Variants in BLTP3A observed in about 807,000 individuals in gnomAD.
BLTP3A encodes the protein ICBP90 binding protein 1.
At chr6:34,857,629 A>G in the BLTP3A span, 7 of 1,453,400 alleles carry the variant, frequency 4.8e-6, no homozygotes, top group Non-Finnish European at 4.7e-6. Flanking sequence ...ATAAATGTGT[A>G]CCTTTGCTCT....
At chr6:34,846,465 T>C in the BLTP3A span, among the ~76,000 whole-genome samples, 1 of 152,030 alleles carries the variant, frequency 6.6e-6, no homozygotes, top group African/African-American at 2.4e-5. Flanking sequence ...CAGTGTTTTA[T>C]AGTTTTTGTT....
chr6:34,846,375 C>T, the BLTP3A span, among the ~76,000 whole-genome samples: 2 of 151,720 alleles, frequency 1.3e-5, no homozygotes, highest in South Asian at 4.2e-4. Flanking sequence ...GAATTCTTGA[C>T]CTCAAGTGAT....
At chr6:34,836,550 G>A in the BLTP3A span, among the ~76,000 whole-genome samples, 4 of 152,208 alleles carry the variant, frequency 2.6e-5, no homozygotes, top group East Asian at 7.7e-4. Flanking sequence ...TTAGGGTACA[G>A]TAGAACCACA....
chr6:34,868,175 G>C, the BLTP3A span, among the ~76,000 whole-genome samples: 2 of 151,718 alleles, frequency 1.3e-5, no homozygotes, highest in African/African-American at 2.4e-5. Flanking sequence ...GCGTGGTGGC[G>C]GGTGCCTGTA....
the BLTP3A span, among the ~76,000 whole-genome samples, chr6:34,846,301 C>G: frequency 1.3e-5 from 2 of 151,702 alleles, no homozygotes; most frequent in Non-Finnish European, 2.9e-5. Flanking sequence ...CCCACCACCA[C>G]GCCTAGCTAA....
At chr6:34,821,911 T>G in the BLTP3A span, 15 of 1,614,250 alleles carry the variant, frequency 9.3e-6, no homozygotes, top group Non-Finnish European at 1.1e-5. Flanking sequence ...TGCTTTCCTC[T>G]TTCAGATCCA....
At chr6:34,822,325 C>G in the BLTP3A span, among the ~76,000 whole-genome samples, 2 of 151,738 alleles carry the variant, frequency 1.3e-5, no homozygotes, top group South Asian at 4.2e-4. Flanking sequence ...TCACTGCAAC[C>G]TCTGCCTCCT....
chr6:34,828,098 G>A, the BLTP3A span, among the ~76,000 whole-genome samples: 5 of 152,046 alleles, frequency 3.3e-5, no homozygotes, highest in Non-Finnish European at 5.9e-5. Context: ...CCTTTTTTCT[G>A]TACAACATGT....
the BLTP3A span, among the ~76,000 whole-genome samples, chr6:34,803,252 G>C: frequency 6.6e-6 from 1 of 151,710 alleles, no homozygotes. Context: ...AAAAGGAATT[G>C]AGTTGAGTCT....
chr6:34,818,479 A>G, the BLTP3A span, among the ~76,000 whole-genome samples: 1 of 145,398 alleles, frequency 6.9e-6, no homozygotes, highest in Non-Finnish European at 1.5e-5. Context: ...AGAAAAAAAA[A>G]AGAAAAAAAC....
chr6:34,852,111 T>C, the BLTP3A span, among the ~76,000 whole-genome samples: 2 of 152,188 alleles, frequency 1.3e-5, no homozygotes. Context: ...CTTTGTACCC[T>C]ACCCCACTAT....
At chr6:34,847,980 C>G in the BLTP3A span, among the ~76,000 whole-genome samples, 1 of 128,468 alleles carries the variant, frequency 7.8e-6, no homozygotes, top group African/African-American at 3.1e-5. Context: ...GATGCAGTGG[C>G]GTAATCTCAG....
the BLTP3A span, among the ~76,000 whole-genome samples, chr6:34,868,872 T>C: frequency 1.3e-5 from 2 of 151,716 alleles, no homozygotes; most frequent in Non-Finnish European, 2.9e-5. Context: ...GCCTGGGCAA[T>C]AGAGCAAGAC....
the BLTP3A span, chr6:34,834,072 A>G: frequency 2.3e-6 from 2 of 860,906 alleles, no homozygotes; most frequent in East Asian, 2.7e-5. Flanking sequence ...GCTGTACTCC[A>G]GCTTGGGTAA....
chr6:34,871,235 T>A, the BLTP3A span: 1 of 1,244,562 alleles, frequency 8.0e-7, no homozygotes, highest in Non-Finnish European at 1.1e-6. Context: ...TAAAATATGG[T>A]GAGGATCAAG....
At chr6:34,821,438 TTGTTC>T in the BLTP3A span, 2 of 508,948 alleles carry the variant, frequency 3.9e-6, no homozygotes, top group Non-Finnish European at 7.0e-6. Context: ...CTGAGTGCAT[TTGTTC>T]TGGCTGGTCT....
At chr6:34,818,294 C>A in the BLTP3A span, among the ~76,000 whole-genome samples, 2 of 152,044 alleles carry the variant, frequency 1.3e-5, no homozygotes, top group Admixed American at 1.3e-4. Context: ...CATGGCAAAA[C>A]CCTGTCTCTA....
At chr6:34,823,611 C>G in the BLTP3A span, among the ~76,000 whole-genome samples, 1 of 142,604 alleles carries the variant, frequency 7.0e-6, no homozygotes, top group South Asian at 2.3e-4. Context: ...GGTGTGATCA[C>G]AGTTCACTGT....
chr6:34,851,667 G>GT, the BLTP3A span, among the ~76,000 whole-genome samples: 1 of 152,152 alleles, frequency 6.6e-6, no homozygotes, highest in Non-Finnish European at 1.5e-5. Flanking sequence ...CAGTCAGCAG[G>GT]TGGCAAATCT....
Sources: allele counts gnomAD v4.1 joint callset (sites outside exome capture counted in the v4.1 genomes callset), GRCh38; gene constraint gnomAD v4.1.1; transcripts MANE v1.5; gene names NCBI Gene and HGNC (gene_info 2026-07-23, HGNC 2026-07-21).